SYT13: variants seen among roughly 807,000 people sequenced by gnomAD.
SYT13 encodes synaptotagmin 13.
Under a neutral mutation model 38.6 loss-of-function variants are expected in SYT13, and 21 were observed. That is an observed-to-expected ratio of 0.54 (90% CI 0.39 to 0.78). SYT13 has a LOEUF of 0.78. Among genes scored for constraint, SYT13 ranks in the 30% least tolerant of loss-of-function variants. The pLI, the probability that SYT13 is intolerant of heterozygous loss-of-function variation, is 0.00. For missense variants in SYT13, 495 were observed against 548.7 expected, an observed-to-expected ratio of 0.90 and a Z score of 0.98; for synonymous variants, 241 against 237.6, an observed-to-expected ratio of 1.01 and a Z score of -0.13.
chr11:45,254,351 T>C lies in SYT13; in HGVS notation c.463A>G (p.Ser155Gly), dbSNP rs748177510. Residue 155 changes from serine to glycine, a missense_variant, in exon 3 of 6, where the codon AGT (serine) becomes GGT (glycine). By Grantham distance (56) the Ser-to-Gly change is moderately conservative. Transcript: ENST00000020926. Reference sequence around the variant, plus strand: ...TGGAGTTTGGGGGCCTGGTTCCAACTGGCAGCCTTCTCTGGGTTCCAGGTC... The same window carrying C: ...TGGAGTTTGGGGGCCTGGTTCCAACCGGCAGCCTTCTCTGGGTTCCAGGTC... ...METWNPEKAA[S>G]WNQAPKLHYC... 13 of 1,613,740 alleles carry C rather than the reference T, an allele frequency of 8.1e-6. No homozygotes were observed. Among genetic ancestry groups the C allele is most frequent in the Non-Finnish European group, 9.3e-6 (11 of 1,179,930 alleles).
chr11:45,268,327 CTA>C (rs1185413364), intron 1 of SYT13, among the ~76,000 whole-genome samples: 1 of 139,730 alleles, frequency 7.2e-6, no homozygotes, highest in Non-Finnish European at 1.5e-5. Context: ...ACCCAAAAAG[CTA>C]TTTCCCTTAG....
In SYT13 at chr11:45,279,137, A is replaced by G. The variant is rs371017143; in HGVS notation, c.183+6888T>C. On this transcript the variant is annotated intron_variant, in intron 1 of 5. Coordinates refer to ENST00000020926, the MANE Select transcript of SYT13 (RefSeq NM_020826.3). ...CTGCTAATCTTCAACCTAGTCGTCA[A>G]AAGTGTGGGCTCTGAAGCCAAATTT... Among the ~76,000 whole-genome samples the G allele has an allele frequency of 3.7e-4, 57 of 152,386 alleles. No homozygotes were observed. The South Asian group carries it at 7.9e-3, about 21-fold the overall frequency.
intron 1 of SYT13, among the ~76,000 whole-genome samples, chr11:45,284,709 A>G (rs980781631): frequency 1.3e-5 from 2 of 152,072 alleles, no homozygotes; most frequent in Non-Finnish European, 1.5e-5. Flanking sequence ...GCTGTTCCTC[A>G]AGTGTGTTGG....
At position 45,244,363 on chromosome 11, in the gene SYT13, AG is replaced by A. The variant is rs1854590047; in HGVS notation, c.977-8del. On this transcript the variant is annotated splice_polypyrimidine_tract_variant and splice_region_variant and intron_variant, in intron 5 of 5. Transcript: ENST00000020926. The stretch of plus-strand genomic sequence containing the variant: ...GTCACCTTGACAGAGACATCTGGGG[AG>A]GGGCAGAGGGGAAAAAGAGACAGAG... The A allele has an allele frequency of 1.2e-6, 2 of 1,607,804 alleles. No individual in the cohort carries two copies. The highest frequency in any genetic ancestry group is 1.7e-6 in the Non-Finnish European group (2 of 1,175,956).
chr11:45,277,736 G>A lies in SYT13; in HGVS notation c.183+8289C>T, dbSNP rs559162768. 5.9e-5 allele frequency among the ~76,000 whole-genome samples: 9 copies of A among 152,198 alleles called. 1 individual carries two copies. The South Asian group carries it at 6.2e-4, about 11-fold the overall frequency. On this transcript the variant is annotated intron_variant, in intron 1 of 5. Coordinates refer to ENST00000020926, the MANE Select transcript of SYT13 (RefSeq NM_020826.3). ...TTAAGATCTTCTCCAACTCTAGCTC[G>A]CAGTTTGGCCATCACTCTTTAGGAA...
At chr11:45,260,505 G>T (rs184877608) in intron 1 of SYT13, among the ~76,000 whole-genome samples, 2 of 152,310 alleles carry the variant, frequency 1.3e-5, no homozygotes, top group Admixed American at 1.3e-4. Flanking sequence ...GGTGCTCAGG[G>T]TAGCAGGGCC....
intron 1 of SYT13, among the ~76,000 whole-genome samples, chr11:45,267,813 A>C (rs183460397): frequency 2.0e-5 from 3 of 152,218 alleles, no homozygotes; most frequent in African/African-American, 7.2e-5. Flanking sequence ...CAAAGGGGAA[A>C]TCCACCTTGA....
At chr11:45,269,778 G>T (rs1590525601) in intron 1 of SYT13, among the ~76,000 whole-genome samples, 1 of 152,116 alleles carries the variant, frequency 6.6e-6, no homozygotes, top group Admixed American at 6.5e-5. Context: ...GGTTTCTTGG[G>T]GTTGTGTCTC....
intron 2 of SYT13, among the ~76,000 whole-genome samples, chr11:45,254,950 CA>C (rs35881904): frequency 0.75 from 114,331 of 151,702 alleles, 44,612 homozygotes; most frequent in Non-Finnish European, 0.87. Context: ...CTCATGTCTA[CA>C]AAAAATAAGC....
intron 1 of SYT13, among the ~76,000 whole-genome samples, chr11:45,280,728 T>C (rs1226660142): frequency 4.6e-5 from 7 of 152,206 alleles, no homozygotes; most frequent in South Asian, 2.1e-4. Context: ...CCTAACAGTA[T>C]GCACTCCTTT....
chr11:45,254,578 T>C (rs1854720095), intron 2 of SYT13, 174 bp from the exon 3 acceptor site: 1 of 779,182 alleles, frequency 1.3e-6, no homozygotes, highest in Non-Finnish European at 1.9e-6. Context: ...TCACAGCCCA[T>C]TAGGCTGCAT....
rs191872502 is a variant in SYT13, at chr11:45,257,063, A to G, written c.184-1172T>C. On this transcript the variant is annotated intron_variant, in intron 1 of 5. Transcript: ENST00000020926. ...AATCTCTGGATGAGGACAGAGTAGA[A>G]GCCAAAATGTAGCCTGTGTACCACT... 1.4e-4 allele frequency among the ~76,000 whole-genome samples: 22 copies of G among 152,334 alleles called. No individual in the cohort carries two copies. In the South Asian group the frequency reaches 1.5e-3, roughly 10 times the overall value.
chr11:45,246,648 G>A (rs1854617985), intron 4 of SYT13, 136 bp from the exon 5 acceptor site: 2 of 1,271,480 alleles, frequency 1.6e-6, no homozygotes, highest in South Asian at 3.0e-5. Flanking sequence ...CGTCAATGCT[G>A]GGGTGTCCAC....
At position 45,286,224 on chromosome 11, in the gene SYT13, G is replaced by C; in HGVS notation, c.-17C>G. 6.5e-7 allele frequency: 1 copy of C among 1,528,764 alleles called. No homozygotes were observed. The highest frequency in any genetic ancestry group is 1.2e-5 in the South Asian group (1 of 82,624). The allele number at this position is 1,528,764 out of a possible 1,614,324, so 94.7% of individuals were successfully genotyped here. A position where few individuals can be genotyped will look rare whatever the true frequency, so the allele number is the denominator to read the frequency against. ...CAGCACCATGGTGCCCGCTCCCGGC[G>C]AGGGGCTGGGTCCCGCAGCCGCTCA... On this transcript the variant is annotated 5_prime_UTR_variant, in exon 1 of 6. Coordinates refer to ENST00000020926, the MANE Select transcript of SYT13 (RefSeq NM_020826.3).
At chr11:45,261,264 G>T (rs1254224069) in intron 1 of SYT13, among the ~76,000 whole-genome samples, 1 of 152,198 alleles carries the variant, frequency 6.6e-6, no homozygotes, top group African/African-American at 2.4e-5. Context: ...TGCACTGCTG[G>T]TGGGAATGTA....
chr11:45,253,699 G>A (rs1427221117), intron 3 of SYT13, among the ~76,000 whole-genome samples: 1 of 152,086 alleles, frequency 6.6e-6, no homozygotes, highest in Non-Finnish European at 1.5e-5. Flanking sequence ...CTGACCATTC[G>A]GAACATGCTG....
intron 1 of SYT13, among the ~76,000 whole-genome samples, chr11:45,281,202 A>T (rs1855067143): frequency 6.6e-6 from 1 of 152,146 alleles, no homozygotes; most frequent in Non-Finnish European, 1.5e-5. Context: ...TCTCAAAAAA[A>T]AAAAGAAAGA....
In SYT13 at chr11:45,276,634, T is replaced by TG. The variant is rs532146316; in HGVS notation, c.183+9390dup. Among the ~76,000 whole-genome samples the TG allele has an allele frequency of 1.5e-3, 221 of 151,486 alleles. 2 individuals carry two copies. The highest frequency in any genetic ancestry group is 5.0e-3 in the African/African-American group (205 of 41,092). On this transcript the variant is annotated intron_variant, in intron 1 of 5. Transcript: ENST00000020926. ...GATGAATATTTTAAAAGTGAGAATT[T>TG]GGGGTTTTTTTTTAGATATTAAAAG...
At position 45,255,725 on chromosome 11, in the gene SYT13, G is replaced by T. The variant is rs756301285; in HGVS notation, c.350C>A (p.Pro117Gln). Residue 117 changes from proline (P) to glutamine (Q), a missense_variant, in exon 2 of 6, where the codon CCG becomes CAG. Physicochemically the swap from Pro to Gln is moderately conservative, Grantham distance 76. Coordinates refer to ENST00000020926, the MANE Select transcript of SYT13 (RefSeq NM_020826.3). ...CTGCCTCTTGAGGCGACTGTCATTC[G>T]GGGGTTGGGGGCTGGCAGGTGCAGT... The part of the protein sequence containing the change: ...EPTAPASPQP[P>Q]NDSRLKRQVT... The T allele has an allele frequency of 1.2e-6, 2 of 1,614,104 alleles. No individual in the cohort carries two copies. Among genetic ancestry groups the T allele is most frequent in the East Asian group, 4.5e-5 (2 of 44,872 alleles).
Sources: allele counts gnomAD v4.1 joint callset (sites outside exome capture counted in the v4.1 genomes callset), GRCh38; gene constraint gnomAD v4.1.1; transcripts MANE v1.5; gene names NCBI Gene and HGNC (gene_info 2026-07-23, HGNC 2026-07-21).